The following ANO6 variants were observed in gnomAD, a reference collection of about 807,000 sequenced individuals.
The protein encoded by ANO6 is anoctamin-6.
A neutral mutation model predicts 117.5 loss-of-function variants in ANO6; 106 were observed. The ratio of observed to expected loss-of-function variants is 0.90; its 90% CI spans 0.77 to 1.06. The LOEUF (loss-of-function observed/expected upper bound fraction) is 1.06, where lower values mean the gene tolerates loss of function less well. Ranked by LOEUF, ANO6 falls within the 50% of genes least tolerant of loss-of-function variation. The pLI is 0.00. For missense variants in ANO6, 955 were observed against 1,121.1 expected (o/e 0.85, Z 2.12); for synonymous variants, 367 against 385.1 (o/e 0.95, Z 0.55).
intron 1 of ANO6, among the ~76,000 whole-genome samples, chr12:45,261,081 A>C (rs938134252): frequency 1.3e-5 from 2 of 152,044 alleles, no homozygotes; most frequent in East Asian, 1.9e-4. Context: ...TGGCCTCCCC[A>C]AATGTTACGT....
At chr12:45,379,529 C>T (rs1942115335) in intron 10 of ANO6, among the ~76,000 whole-genome samples, 1 of 152,220 alleles carries the variant, frequency 6.6e-6, no homozygotes, top group South Asian at 2.1e-4. Flanking sequence ...TCTCCGCCCT[C>T]CCCTTCCGCC....
intron 1 of ANO6, among the ~76,000 whole-genome samples, chr12:45,223,233 T>C (rs2137123196): frequency 6.6e-6 from 1 of 152,242 alleles, no homozygotes; most frequent in African/African-American, 2.4e-5. Flanking sequence ...ATAGGTAAAA[T>C]GACCCGGGGC....
chr12:45,408,429 G>C (rs1158718424), intron 15 of ANO6, among the ~76,000 whole-genome samples: 1 of 152,102 alleles, frequency 6.6e-6, no homozygotes, highest in Non-Finnish European at 1.5e-5. Flanking sequence ...CCATAAAAAG[G>C]GGGGAAGCAC....
chr12:45,413,653 G>A (rs1376017103), intron 16 of ANO6, among the ~76,000 whole-genome samples: 2 of 152,206 alleles, frequency 1.3e-5, no homozygotes, highest in Non-Finnish European at 2.9e-5. Context: ...GAAGAGCAGA[G>A]CAGTGGGAAG....
intron 15 of ANO6, among the ~76,000 whole-genome samples, chr12:45,404,412 A>G (rs1187605701): frequency 6.6e-6 from 1 of 152,098 alleles, no homozygotes; most frequent in East Asian, 1.9e-4. Context: ...TGCTATAACA[A>G]ATTACCCCAA....
intron 2 of ANO6, among the ~76,000 whole-genome samples, chr12:45,315,347 C>CA (rs1277627622): frequency 6.6e-6 from 1 of 151,996 alleles, no homozygotes; most frequent in Non-Finnish European, 1.5e-5. Context: ...GGGGGAGAAG[C>CA]AACGTGCAGA....
In ANO6 at chr12:45,416,731, G is replaced by A. The variant is rs759672085; in HGVS notation, c.2044G>A (p.Ala682Thr). 1 of 1,614,072 alleles carries A rather than the reference G, an allele frequency of 6.2e-7. No individual in the cohort carries two copies. The highest frequency in any genetic ancestry group is 1.1e-5 in the South Asian group (1 of 91,082). The change falls in exon 17 of 20, where the codon GCC becomes ACC. Residue 682 changes from alanine (A) to threonine (T), a missense_variant. Physicochemically the swap from Ala to Thr is moderately conservative, Grantham distance 58 (BLOSUM62 0). Transcript: ENST00000320560. ...GTTTGGGTTCGTCACCTTATTTGTG[G>A]CCTCTTTTCCACTGGCCCCTCTGTT... ...IQFGFVTLFV[A>T]SFPLAPLLAL...
intron 1 of ANO6, among the ~76,000 whole-genome samples, chr12:45,292,187 A>C (rs1939124832): frequency 6.6e-6 from 1 of 152,246 alleles, no homozygotes; most frequent in African/African-American, 2.4e-5. Context: ...TGAAAACATT[A>C]TACTAAGTGA....
intron 10 of ANO6, among the ~76,000 whole-genome samples, chr12:45,384,160 CTT>C (rs922151550): frequency 1.3e-5 from 2 of 152,244 alleles, no homozygotes; most frequent in African/African-American, 4.8e-5. Flanking sequence ...TAGCTTCAAA[CTT>C]TTCTTCTGCA....
chr12:45,221,176 AC>A (rs2137119105), intron 1 of ANO6, among the ~76,000 whole-genome samples: 1 of 152,186 alleles, frequency 6.6e-6, no homozygotes, highest in East Asian at 1.9e-4. Flanking sequence ...TCATTGCTGA[AC>A]AACTACTTGC....
In ANO6 at chr12:45,326,520, G is replaced by T. The variant is rs139195053; in HGVS notation, c.151-4775G>T. 7.4e-3 allele frequency among the ~76,000 whole-genome samples: 1,128 copies of T among 152,234 alleles called. 18 individuals are homozygous for T. The highest frequency in any genetic ancestry group is 0.026 in the African/African-American group (1,060 of 41,544). ...TAATGGAAAGTCGGTCAACAGGCTG[G>T]TGCCCTTCTAAAATTAGCATGCCAC... On this transcript the variant is annotated intron_variant, in intron 2 of 19. Transcript: ENST00000320560.
intron 1 of ANO6, among the ~76,000 whole-genome samples, chr12:45,235,421 T>C (rs1214348990): frequency 6.6e-6 from 1 of 152,228 alleles, no homozygotes; most frequent in East Asian, 1.9e-4. Flanking sequence ...GAGGCTTAAC[T>C]TCAGCTTGGC....
At chr12:45,231,131 T>C (rs1019711606) in intron 1 of ANO6, among the ~76,000 whole-genome samples, 2 of 152,126 alleles carry the variant, frequency 1.3e-5, no homozygotes, top group Non-Finnish European at 2.9e-5. Flanking sequence ...AATTCTAAAA[T>C]GTTTAATTTT....
intron 11 of ANO6, 55 bp downstream of exon 11, chr12:45,388,358 T>G: frequency 5.0e-6 from 8 of 1,607,144 alleles, no homozygotes; most frequent in Non-Finnish European, 6.8e-6. Flanking sequence ...GTGGTTCTCC[T>G]CCTTGGCCGC....
At chr12:45,378,675 AG>A (rs1317405294) in intron 10 of ANO6, among the ~76,000 whole-genome samples, 1 of 152,172 alleles carries the variant, frequency 6.6e-6, no homozygotes, top group Non-Finnish European at 1.5e-5. Flanking sequence ...GGGCGGTGGG[AG>A]TACTACCCAG....
chr12:45,412,765 C>T (rs1235789863), intron 16 of ANO6, among the ~76,000 whole-genome samples: 7 of 152,248 alleles, frequency 4.6e-5, no homozygotes, highest in African/African-American at 1.4e-4. Context: ...CAAACACTCT[C>T]AGTTGCTGGG....
chr12:45,429,716 A>T lies in ANO6; in HGVS notation c.*405A>T. On this transcript the variant is annotated 3_prime_UTR_variant, in exon 20 of 20. Transcript: ENST00000320560. The stretch of plus-strand genomic sequence containing the variant: ...ATGTTTCATTTCTTCACTTGGCTAG[A>T]TCTGTTCCAGGGTCATCTTTTCCTT... 1 of 1,107,486 alleles carries T rather than the reference A, an allele frequency of 9.0e-7. No individual in the cohort carries two copies. The highest frequency in any genetic ancestry group is 1.1e-6 in the Non-Finnish European group (1 of 904,836). 68.6% of individuals were successfully genotyped at this position (1,107,486 alleles called of 1,614,324 possible).
intron 2 of ANO6, among the ~76,000 whole-genome samples, chr12:45,317,388 T>TG (rs1233916154): frequency 1.3e-5 from 2 of 149,836 alleles, no homozygotes; most frequent in Non-Finnish European, 3.0e-5. Flanking sequence ...TTTTTGTCCT[T>TG]GCGATAGTTT....
At chr12:45,323,725 TA>T (rs971634229) in intron 2 of ANO6, among the ~76,000 whole-genome samples, 3 of 152,166 alleles carry the variant, frequency 2.0e-5, no homozygotes, top group African/African-American at 7.2e-5. Flanking sequence ...ATGGCATAGT[TA>T]AGGTTTGAAG....
Sources: allele counts gnomAD v4.1 joint callset (sites outside exome capture counted in the v4.1 genomes callset), GRCh38; gene constraint gnomAD v4.1.1; transcripts MANE v1.5; gene names NCBI Gene and HGNC (gene_info 2026-07-23, HGNC 2026-07-21).